The following CROT variants were observed in gnomAD, a reference collection of about 807,000 sequenced individuals.
CROT encodes the protein carnitine O-octanoyltransferase.
Under a neutral mutation model 89.2 loss-of-function variants are expected in CROT, and 84 were observed. That is an observed-to-expected ratio of 0.94 (90% confidence interval 0.79 to 1.13). CROT has a LOEUF of 1.13. Among genes scored for constraint, CROT ranks in the 50% most tolerant of loss-of-function variants. CROT has a pLI of 0.00. For synonymous variants in CROT, 212 were observed against 239.5 expected (o/e 0.89, Z 1.06); for missense variants, 711 against 727.8 (o/e 0.98, Z 0.27).
intron 7 of CROT, among the ~76,000 whole-genome samples, chr7:87,374,449 G>GT (rs1250045475): frequency 1.3e-5 from 2 of 152,050 alleles, no homozygotes; most frequent in Non-Finnish European, 2.9e-5. Context: ...GAGGTAGTTG[G>GT]TAAGGGAAAG....
rs187129754 is a variant in CROT at position 87,376,737 on chromosome 7, C to G, written c.877-612C>G. Among the ~76,000 whole-genome samples the G allele has an allele frequency of 3.3e-3, 499 of 151,330 alleles. 5 individuals carry two copies. The highest frequency in any genetic ancestry group is 0.011 in the African/African-American group (466 of 41,288). On this transcript the variant is annotated intron_variant, in intron 9 of 17. Coordinates refer to ENST00000331536, the MANE Select transcript of CROT (RefSeq NM_021151.4). The stretch of plus-strand genomic sequence containing the variant: ...TGACCACAATTTTTAGTTACAAATA[C>G]ATTTAGATTGCAGCCCACTATATAT...
intron 13 of CROT, among the ~76,000 whole-genome samples, chr7:87,384,472 C>T (rs564780189): frequency 1.6e-4 from 25 of 152,314 alleles, no homozygotes; most frequent in African/African-American, 5.8e-4. Flanking sequence ...GCAGAGGTTG[C>T]AGTGAGCTGA....
At chr7:87,385,189 T>A (rs532218363) in intron 13 of CROT, among the ~76,000 whole-genome samples, 4 of 152,226 alleles carry the variant, frequency 2.6e-5, no homozygotes, top group African/African-American at 9.6e-5. Context: ...CTTTTGTGGT[T>A]CCATATGAAT....
intron 6 of CROT, among the ~76,000 whole-genome samples, chr7:87,364,259 C>CAT (rs1448947777): frequency 3.3e-5 from 5 of 152,080 alleles, no homozygotes; most frequent in Admixed American, 3.3e-4. Context: ...ACTTTTGGGA[C>CAT]ATATGTAAAG....
intron 7 of CROT, among the ~76,000 whole-genome samples, chr7:87,370,980 G>C (rs190191244): frequency 1.2e-4 from 18 of 152,270 alleles, no homozygotes; most frequent in Admixed American, 5.2e-4. Context: ...GTTCTTACTT[G>C]GTTGTGTGTG....
chr7:87,386,511 C>A (rs1418218259), intron 13 of CROT, among the ~76,000 whole-genome samples: 2 of 152,146 alleles, frequency 1.3e-5, no homozygotes, highest in Admixed American at 6.5e-5. Context: ...ACCATATCTC[C>A]TTTCATCTCT....
At chr7:87,391,242 T>A (rs944809274) in intron 13 of CROT, among the ~76,000 whole-genome samples, 1 of 152,188 alleles carries the variant, frequency 6.6e-6, no homozygotes, top group African/African-American at 2.4e-5. Context: ...ATCCCATCAC[T>A]TGTGCTGTAC....
chr7:87,349,245 G>A (rs1805795142), intron 3 of CROT, 62 bp downstream of exon 3: 1 of 789,198 alleles, frequency 1.3e-6, no homozygotes, highest in South Asian at 2.4e-5. Flanking sequence ...CTGTGATACT[G>A]TTGCTGGAGA....
At chr7:87,359,465 A>G (rs941180759) in intron 4 of CROT, 135 bp downstream of exon 4, 3 of 1,408,622 alleles carry the variant, frequency 2.1e-6, no homozygotes, top group Non-Finnish European at 2.8e-6. Flanking sequence ...AAAAGAAGGA[A>G]TGAATCACTT....
rs1372606033 is a variant in CROT at position 87,353,392 on chromosome 7, G to A, written c.115+4209G>A. ...TCAAACTCCTGACCTCAAGTGATCC[G>A]CCTGCCTCCAGTTCCCAACATGCTG... is the stretch of plus-strand genomic sequence containing the variant. On this transcript the variant is annotated intron_variant, in intron 3 of 17. Coordinates refer to ENST00000331536, the MANE Select transcript of CROT (RefSeq NM_021151.4). 6.6e-5 allele frequency among the ~76,000 whole-genome samples: 10 copies of A among 152,078 alleles called. 1 individual carries two copies. Among genetic ancestry groups the A allele is most frequent in the South Asian group, 2.1e-4 (1 of 4,816 alleles).
chr7:87,377,542 G>A, intron 10 of CROT, 92 bp downstream of exon 10: 1 of 721,800 alleles, frequency 1.4e-6, no homozygotes, highest in Non-Finnish European at 2.3e-6. Context: ...AACAGTGTAA[G>A]TGAATAGTAA....
intron 2 of CROT, among the ~76,000 whole-genome samples, chr7:87,348,528 T>C (rs1004607100): frequency 9.8e-5 from 15 of 152,356 alleles, no homozygotes; most frequent in Admixed American, 9.8e-4. Flanking sequence ...CATAATCCTT[T>C]TCTATACATC....
intron 6 of CROT, among the ~76,000 whole-genome samples, chr7:87,365,759 C>A (rs1003931190): frequency 6.6e-6 from 1 of 151,734 alleles, no homozygotes; most frequent in African/African-American, 2.4e-5. Flanking sequence ...GCACATGCCA[C>A]CACACCTGGC....
At chr7:87,374,254 G>T (rs1806734805) in intron 7 of CROT, among the ~76,000 whole-genome samples, 1 of 152,064 alleles carries the variant, frequency 6.6e-6, no homozygotes, top group African/African-American at 2.4e-5. Flanking sequence ...TACCAAATCT[G>T]TATCTCTTAA....
chr7:87,360,205 C>G, intron 4 of CROT: 1 of 610,526 alleles, frequency 1.6e-6, no homozygotes, highest in Non-Finnish European at 2.0e-6. Flanking sequence ...AAACAAGACT[C>G]CAGGTAATTT....
chr7:87,348,804 AT>A (rs1475349901), intron 2 of CROT, among the ~76,000 whole-genome samples: 1 of 152,240 alleles, frequency 6.6e-6, no homozygotes, highest in East Asian at 1.9e-4. Flanking sequence ...TAGGTGTTCA[AT>A]AAATGGTAAC....
At chr7:87,399,789 C>CTGTT (rs1807701675) in exon 18 of CROT, 1 of 152,060 alleles carries the variant, frequency 6.6e-6, no homozygotes. Flanking sequence ...TGATTCATTC[C>CTGTT]TGTTTGCTTT....
rs1185049879 is a variant in CROT at position 87,392,440 on chromosome 7, A to G, written c.1426-126A>G. 6.2e-5 allele frequency: 45 copies of G among 721,050 alleles called. No individual in the cohort carries two copies. The East Asian group carries it at 1.1e-3, about 18-fold the overall frequency. The allele number at this position is 721,050 out of a possible 1,614,324, so 44.7% of individuals were successfully genotyped here. ...ATGGAAAGATATAGGAGTATGTGTT[A>G]TAGATCTTCCTAGAAATCTTTCCTC... On this transcript the variant is annotated intron_variant, in intron 14 of 17. Transcript: ENST00000331536.
intron 7 of CROT, among the ~76,000 whole-genome samples, chr7:87,373,086 T>A (rs558789419): frequency 6.6e-6 from 1 of 152,266 alleles, no homozygotes; most frequent in South Asian, 2.1e-4. Context: ...ATATTAGGGT[T>A]CCAGTTTCTC....
Sources: gnomAD v4.1 joint callset for allele counts (sites outside exome capture counted in the v4.1 genomes callset) on GRCh38, gnomAD v4.1.1 for gene constraint, MANE v1.5 for transcripts, NCBI Gene and HGNC (gene_info 2026-07-23, HGNC 2026-07-21) for gene names.